The following C6orf62 variants were observed in gnomAD, a reference collection of about 807,000 sequenced individuals.
The protein encoded by C6orf62 is chromosome 6 open reading frame 62.
In C6orf62, 16 loss-of-function variants were observed where a neutral mutation model predicts 26.8. The observed-to-expected ratio is 0.60, with a 90% confidence interval of 0.40 to 0.91. C6orf62 has a LOEUF of 0.91. Ranked by LOEUF, C6orf62 falls within the 40% of genes least tolerant of loss-of-function variation. C6orf62 has a pLI of 0.00. For missense variants in C6orf62, 192 were observed against 271.4 expected (o/e 0.71, Z 2.06); for synonymous variants, 112 against 91.5 (o/e 1.22, Z -1.28).
chr6:24,719,318 T>C, upstream of C6orf62: 3 of 995,002 alleles, frequency 3.0e-6, no homozygotes, highest in South Asian at 4.3e-5. Context: ...TGCTATGTAT[T>C]GTCAGTGCTT....
chr6:24,707,506 C>G (rs771580142), intron 4 of C6orf62, among the ~76,000 whole-genome samples: 6 of 151,908 alleles, frequency 3.9e-5, no homozygotes, highest in Non-Finnish European at 5.9e-5. Flanking sequence ...CACAGGAACA[C>G]GCCACAATGT....
chr6:24,714,766 C>T (rs1000769449), intron 2 of C6orf62, among the ~76,000 whole-genome samples: 4 of 152,128 alleles, frequency 2.6e-5, no homozygotes, highest in African/African-American at 7.2e-5. Context: ...CAAGTGTGTG[C>T]CACCATGCCC....
intron 2 of C6orf62, among the ~76,000 whole-genome samples, chr6:24,715,381 A>G (rs1286935765): frequency 1.3e-5 from 2 of 152,198 alleles, no homozygotes; most frequent in East Asian, 3.8e-4. Context: ...TTCCCCCCAA[A>G]AAAGGAAATA....
chr6:24,710,174 T>C (rs914622421), intron 3 of C6orf62: 4 of 985,364 alleles, frequency 4.1e-6, no homozygotes, highest in Non-Finnish European at 4.8e-6. Context: ...GGGCTTATTA[T>C]ACTGCTGAAG....
intron 4 of C6orf62, 71 bp downstream of exon 4, chr6:24,708,706 G>C: frequency 6.4e-7 from 1 of 1,571,180 alleles, no homozygotes; most frequent in Non-Finnish European, 8.7e-7. Context: ...TAAGTAACTT[G>C]TATATAAAAC....
chr6:24,719,155 CAAAAAAAAAAA>C (rs5875002), upstream of C6orf62: 1 of 874,784 alleles, frequency 1.1e-6, no homozygotes. Flanking sequence ...CCTTGCTTTC[CAAAAAAAAAAA>C]AAAAAAAAAC....
upstream of C6orf62, chr6:24,719,968 G>A: frequency 1.3e-6 from 2 of 1,546,858 alleles, no homozygotes; most frequent in Admixed American, 2.0e-5. Context: ...AGGTTCAGTG[G>A]GGGAAAAAAA....
intron 4 of C6orf62, chr6:24,707,092 G>A (rs1245194453): frequency 2.0e-5 from 3 of 152,122 alleles, no homozygotes; most frequent in African/African-American, 7.2e-5. Context: ...TAAGGACTCT[G>A]ACTTTGAAGA....
Position 24,706,174 on chromosome 6 carries a change from G to C in C6orf62, c.653C>G (p.Thr218Ser), listed in dbSNP as rs145980580. The change falls in exon 5 of 5, where the codon ACC becomes AGC. Residue 218 changes from threonine (T) to serine (S), a missense_variant. Coordinates refer to ENST00000378119, the MANE Select transcript of C6orf62 (RefSeq NM_030939.5). ...ATAAGGACGGAGGTGATCCTCTATG[G>C]TGCCAACTGCCCAGTGGGTGAGCTG... The part of the protein sequence containing the change: ...QEQLTHWAVG[T>S]IEDHLRPYMP... 118 of 1,614,080 alleles carry C rather than the reference G, an allele frequency of 7.3e-5. No homozygotes were observed. Among genetic ancestry groups the C allele is most frequent in the Admixed American group, 1.3e-4 (8 of 60,004 alleles).
upstream of C6orf62, chr6:24,720,073 A>C (rs1779324463): frequency 1.4e-6 from 2 of 1,443,980 alleles, no homozygotes; most frequent in Non-Finnish European, 1.8e-6. Context: ...CACGTTGAAC[A>C]GACCATGTTT....
chr6:24,710,756 T>TG (rs1779105892), intron 3 of C6orf62, among the ~76,000 whole-genome samples: 1 of 152,120 alleles, frequency 6.6e-6, no homozygotes, highest in South Asian at 2.1e-4. Context: ...CCCAGCACTT[T>TG]GGGAGTCCAA....
intron 4 of C6orf62, among the ~76,000 whole-genome samples, chr6:24,708,255 TAA>T (rs10700028): frequency 3.4e-5 from 5 of 146,000 alleles, no homozygotes; most frequent in Admixed American, 6.8e-5. Flanking sequence ...TTTTCCCGTT[TAA>T]AAAAAAAAAA....
At chr6:24,713,061 TCCA>T (rs1402949627) in intron 3 of C6orf62, among the ~76,000 whole-genome samples, 3 of 152,222 alleles carry the variant, frequency 2.0e-5, no homozygotes, top group African/African-American at 7.2e-5. Context: ...ATACAGATGC[TCCA>T]CGACTTGTGA....
rs774489680 is a variant in C6orf62 at position 24,719,064 on chromosome 6, C to G, written c.-396G>C. ...GGTGTGCAATAAAACACAGCTGACACCAGACCAATCCCTAAAATCCATCCG... is the reference window on the plus strand; with the variant it reads ...GGTGTGCAATAAAACACAGCTGACAGCAGACCAATCCCTAAAATCCATCCG... On this transcript the variant is annotated 5_prime_UTR_variant, in exon 1 of 5. Coordinates refer to ENST00000378119, the MANE Select transcript of C6orf62 (RefSeq NM_030939.5). 2 of 1,005,788 alleles carry G rather than the reference C, an allele frequency of 2.0e-6. No homozygotes were observed. The highest frequency in any genetic ancestry group is 1.2e-6 in the Non-Finnish European group (1 of 843,534). The allele number at this position is 1,005,788 out of a possible 1,614,324, so 62.3% of individuals were successfully genotyped here. A position where few individuals can be genotyped will look rare whatever the true frequency, so the allele number is the denominator to read the frequency against.
At chr6:24,708,371 C>G (rs1388065266) in intron 4 of C6orf62, among the ~76,000 whole-genome samples, 4 of 151,852 alleles carry the variant, frequency 2.6e-5, no homozygotes, top group African/African-American at 9.7e-5. Flanking sequence ...TTTTTTGAGA[C>G]AGGGTCTCGT....
intron 4 of C6orf62, among the ~76,000 whole-genome samples, chr6:24,707,483 G>T (rs1352661132): frequency 6.6e-6 from 1 of 151,622 alleles, no homozygotes; most frequent in African/African-American, 2.4e-5. Flanking sequence ...TCAGCCTCCA[G>T]AGTAGCTAGG....
chr6:24,705,324 C>CAA lies in C6orf62; in HGVS notation c.*811_*812dup, dbSNP rs1778986339. Reference sequence around the variant, plus strand: ...CTTCTCTGTAAAACCAAAAACAAAACAAAACAAAACAAAACAAAACCAAAA... The same window carrying CAA: ...CTTCTCTGTAAAACCAAAAACAAAACAAAAAACAAAACAAAACAAAACCAAAA... On this transcript the variant is annotated 3_prime_UTR_variant, in exon 5 of 5. Coordinates refer to ENST00000378119, the MANE Select transcript of C6orf62 (RefSeq NM_030939.5). The CAA allele has an allele frequency of 6.6e-6, 1 of 152,340 alleles. No individual in the cohort carries two copies. Among genetic ancestry groups the CAA allele is most frequent in the South Asian group, 2.1e-4 (1 of 4,816 alleles). 9.4% of individuals were successfully genotyped at this position (152,340 alleles called of 1,614,324 possible).
At chr6:24,719,987 TTG>T (rs899383886), upstream of C6orf62, 28 of 1,542,492 alleles carry the variant, frequency 1.8e-5, no homozygotes, top group Non-Finnish European at 2.4e-5. Flanking sequence ...AAGAAAATAA[TTG>T]TGTTAATATT....
intron 2 of C6orf62, 152 bp from the exon 3 acceptor site, chr6:24,714,592 GT>G (rs1235733900): frequency 5.6e-6 from 3 of 531,402 alleles, no homozygotes; most frequent in African/African-American, 3.9e-5. Context: ...AAACATAATA[GT>G]TTATAATCTG....
Sources: gnomAD v4.1 joint callset for allele counts (sites outside exome capture counted in the v4.1 genomes callset) on GRCh38, gnomAD v4.1.1 for gene constraint, MANE v1.5 for transcripts, NCBI Gene and HGNC (gene_info 2026-07-23, HGNC 2026-07-21) for gene names.